EBF1: variants seen among roughly 807,000 people sequenced by gnomAD.
EBF1 encodes the protein transcription factor COE1.
A neutral mutation model predicts 68.4 loss-of-function variants in EBF1; 10 were observed. That is an observed-to-expected ratio of 0.15 (90% CI 0.09 to 0.25). The LOEUF is 0.25. Among genes scored for constraint, EBF1 ranks in the 10% least tolerant of loss-of-function variants. EBF1 has a pLI of 1.00. For synonymous variants in EBF1, 298 were observed against 299.8 expected (o/e 0.99, Z 0.06); for missense variants, 509 against 794.4 (o/e 0.64, Z 4.32).
intron 6 of EBF1, among the ~76,000 whole-genome samples, chr5:158,914,618 G>C (rs571620411): frequency 5.3e-5 from 8 of 152,192 alleles, no homozygotes; most frequent in East Asian, 1.9e-4. Context: ...AGAAAAGGAG[G>C]GGGGGAAATG....
At chr5:158,929,352 C>T (rs1347973360) in intron 6 of EBF1, among the ~76,000 whole-genome samples, 1 of 152,176 alleles carries the variant, frequency 6.6e-6, no homozygotes, top group Non-Finnish European at 1.5e-5. Context: ...CCCTGTCTGT[C>T]CACAGTACAG....
chr5:159,046,621 CTTATTGAG>C (rs1772452398), intron 6 of EBF1, among the ~76,000 whole-genome samples: 1 of 152,116 alleles, frequency 6.6e-6, no homozygotes, highest in Non-Finnish European at 1.5e-5. Context: ...TAAACAGGTG[CTTATTGAG>C]TTGTACACTC....
At chr5:158,889,160 T>C (rs879379874) in intron 6 of EBF1, among the ~76,000 whole-genome samples, 3 of 152,178 alleles carry the variant, frequency 2.0e-5, no homozygotes, top group South Asian at 2.1e-4. Flanking sequence ...GATTCTATAA[T>C]GCTAATTTAA....
chr5:158,871,956 G>T (rs1488641933), intron 6 of EBF1, among the ~76,000 whole-genome samples: 1 of 152,242 alleles, frequency 6.6e-6, no homozygotes, highest in Non-Finnish European at 1.5e-5. Flanking sequence ...AAGGCAGGTA[G>T]TTACCACAGC....
chr5:158,779,481 T>C (rs1775974496), intron 9 of EBF1, among the ~76,000 whole-genome samples: 1 of 152,204 alleles, frequency 6.6e-6, no homozygotes, highest in African/African-American at 2.4e-5. Context: ...CTATGCTCTC[T>C]CCATTTTTCA....
At chr5:158,925,561 G>A (rs1003408565) in intron 6 of EBF1, among the ~76,000 whole-genome samples, 1 of 152,112 alleles carries the variant, frequency 6.6e-6, no homozygotes, top group Admixed American at 6.6e-5. Context: ...TCCTTCCACT[G>A]GCCACCATGT....
chr5:158,828,260 T>A (rs1304319152), intron 7 of EBF1, among the ~76,000 whole-genome samples: 1 of 152,214 alleles, frequency 6.6e-6, no homozygotes, highest in African/African-American at 2.4e-5. Context: ...GGATACATAC[T>A]GCATGTTAAG....
intron 7 of EBF1, among the ~76,000 whole-genome samples, chr5:158,838,271 C>A (rs756620597): frequency 1.4e-4 from 21 of 151,962 alleles, no homozygotes; most frequent in Non-Finnish European, 2.1e-4. Flanking sequence ...CAGTGAAACC[C>A]TGTCTCCACT....
intron 6 of EBF1, among the ~76,000 whole-genome samples, chr5:159,035,910 A>G (rs1363561): frequency 0.35 from 53,770 of 152,054 alleles, 10,572 homozygotes; most frequent in Non-Finnish European, 0.44. Context: ...CTTTACCATT[A>G]AAAGATTCAG....
At chr5:158,976,390 C>T (rs925268946) in intron 6 of EBF1, among the ~76,000 whole-genome samples, 2 of 151,828 alleles carry the variant, frequency 1.3e-5, no homozygotes, top group African/African-American at 2.4e-5. Flanking sequence ...TGTGTGCAAA[C>T]CCACAATAAA....
At chr5:158,944,915 T>TGTTG (rs1471465207) in intron 6 of EBF1, among the ~76,000 whole-genome samples, 1 of 152,194 alleles carries the variant, frequency 6.6e-6, no homozygotes, top group Non-Finnish European at 1.5e-5. Flanking sequence ...TTGATGGGGT[T>TGTTG]GTTGGTTTTT....
chr5:158,740,698 T>G (rs1766146365), intron 10 of EBF1, among the ~76,000 whole-genome samples: 1 of 152,216 alleles, frequency 6.6e-6, no homozygotes, highest in Non-Finnish European at 1.5e-5. Flanking sequence ...AAGCTTCAAC[T>G]TAAATAGCAT....
chr5:158,935,444 A>G (rs1400342361), intron 6 of EBF1, among the ~76,000 whole-genome samples: 2 of 152,240 alleles, frequency 1.3e-5, no homozygotes, highest in African/African-American at 2.4e-5. Context: ...CCAGATTAGC[A>G]TAAGTGAACT....
At chr5:158,701,421 A>G (rs1363241730) in intron 15 of EBF1, among the ~76,000 whole-genome samples, 1 of 152,116 alleles carries the variant, frequency 6.6e-6, no homozygotes, top group East Asian at 1.9e-4. Context: ...TAGATCAACT[A>G]GATTAAGCCT....
In EBF1 at chr5:158,836,307, G is replaced by C. The variant is rs542746685; in HGVS notation, c.636+3722C>G. Among the ~76,000 whole-genome samples the C allele has an allele frequency of 2.6e-5, 4 of 152,284 alleles. No homozygotes were observed. The East Asian group carries it at 7.7e-4, about 29-fold the overall frequency. Reference sequence around the variant, plus strand: ...GATGCTGTGACTGGAGAAGATACTGGAGAGAGCCTATAAAATGGGGAAAGA... The same window carrying C: ...GATGCTGTGACTGGAGAAGATACTGCAGAGAGCCTATAAAATGGGGAAAGA... On this transcript the variant is annotated intron_variant, in intron 7 of 15. Coordinates refer to ENST00000313708, the MANE Select transcript of EBF1 (RefSeq NM_024007.5).
chr5:158,788,965 A>T (rs1359521597), intron 9 of EBF1, among the ~76,000 whole-genome samples: 2 of 152,110 alleles, frequency 1.3e-5, no homozygotes, highest in Non-Finnish European at 2.9e-5. Context: ...TAACTATATT[A>T]AAAAGGCCAT....
chr5:158,882,822 T>C (rs547469926), intron 6 of EBF1, among the ~76,000 whole-genome samples: 89 of 152,322 alleles, frequency 5.8e-4, no homozygotes, highest in African/African-American at 2.0e-3. Context: ...ATCGAGCACC[T>C]CGCACTGCAG....
intron 6 of EBF1, among the ~76,000 whole-genome samples, chr5:158,888,062 C>G (rs1241287847): frequency 6.6e-6 from 1 of 152,148 alleles, no homozygotes; most frequent in Non-Finnish European, 1.5e-5. Flanking sequence ...TGGAGTAAAG[C>G]TGGCAGGTGA....
intron 4 of EBF1, 47 bp from the exon 5 acceptor site, chr5:159,084,786 GAA>G (rs770261650): frequency 1.4e-3 from 1,471 of 1,070,026 alleles, no homozygotes; most frequent in South Asian, 3.8e-3. Context: ...AGGAGTAGCA[GAA>G]AAAAAAAAAA....
Sources: gnomAD v4.1 joint callset for allele counts (sites outside exome capture counted in the v4.1 genomes callset) on GRCh38, gnomAD v4.1.1 for gene constraint, MANE v1.5 for transcripts, NCBI Gene and HGNC (gene_info 2026-07-23, HGNC 2026-07-21) for gene names.